ERBIN: variants seen among roughly 807,000 people sequenced by gnomAD.
ERBIN encodes the protein densin-180-like protein.
ERBIN carries 60 observed loss-of-function variants against 158.4 expected under a neutral mutation model. The observed-to-expected ratio is 0.38, with a 90% CI of 0.31 to 0.47. ERBIN has a LOEUF of 0.47. Ranked by LOEUF, ERBIN falls within the 20% of genes least tolerant of loss-of-function variation. ERBIN has a pLI of 0.99. For missense variants in ERBIN, 1,610 were observed against 1,648.0 expected (o/e 0.98, Z 0.40); for synonymous variants, 594 against 557.2 (o/e 1.07, Z -0.93).
intron 21 of ERBIN, chr5:66,069,039 C>G (rs1241036038): frequency 1.4e-6 from 2 of 1,480,588 alleles, no homozygotes; most frequent in African/African-American, 1.4e-5. Flanking sequence ...CTACACTAGA[C>G]CAATACTTTT....
chr5:66,002,413 A>G (rs751828133), intron 4 of ERBIN, among the ~76,000 whole-genome samples: 1 of 151,486 alleles, frequency 6.6e-6, no homozygotes, highest in Non-Finnish European at 1.5e-5. Context: ...AAGACTGAGA[A>G]GATGTGATTA....
At chr5:65,974,467 G>A (rs1269475750) in intron 1 of ERBIN, among the ~76,000 whole-genome samples, 1 of 152,202 alleles carries the variant, frequency 6.6e-6, no homozygotes, top group Non-Finnish European at 1.5e-5. Context: ...ATCCTATCTG[G>A]AGAGAATTTT....
chr5:66,081,438 A>G lies in ERBIN; in HGVS notation c.*2908A>G, dbSNP rs1009113273. The G allele has an allele frequency of 2.5e-4, 38 of 152,236 alleles. No individual in the cohort carries two copies. Among genetic ancestry groups the G allele is most frequent in the African/African-American group, 8.9e-4 (37 of 41,576 alleles). 9.4% of individuals were successfully genotyped at this position (152,236 alleles called of 1,614,324 possible). On this transcript the variant is annotated 3_prime_UTR_variant, in exon 26 of 26. Transcript: ENST00000284037. ...TTAAGTATTAATTTGCTGCACTTAAAAAATCCCATTAGCAGCTATGTAATA... is the reference window on the plus strand; with the variant it reads ...TTAAGTATTAATTTGCTGCACTTAAGAAATCCCATTAGCAGCTATGTAATA...
intron 21 of ERBIN, among the ~76,000 whole-genome samples, chr5:66,063,521 A>T (rs1193039137): frequency 1.3e-5 from 2 of 152,128 alleles, no homozygotes; most frequent in African/African-American, 4.8e-5. Context: ...GCTTCGGCTC[A>T]GGCATGGTGT....
intron 1 of ERBIN, among the ~76,000 whole-genome samples, chr5:65,982,886 G>A (rs1750806944): frequency 6.6e-6 from 1 of 152,134 alleles, no homozygotes; most frequent in South Asian, 2.1e-4. Context: ...TTTTATTCAG[G>A]ACAGGCTGTC....
intron 24 of ERBIN, 149 bp from the exon 25 acceptor site, chr5:66,076,726 T>C (rs1580560160): frequency 1.6e-6 from 1 of 638,386 alleles, no homozygotes; most frequent in Non-Finnish European, 2.8e-6. Context: ...TAAAAATAAC[T>C]AGTTTGTTAC....
chr5:66,053,889 C>A lies in ERBIN; in HGVS notation c.2571C>A (p.Ser857=). The change falls in exon 21 of 26, where the codon TCC becomes TCA. Residue 857 remains serine (S), a synonymous_variant. Transcript: ENST00000284037. The part of the protein sequence containing the change: ...LGISKSTEDL[S]PQKSGPVGSV... ...TTTCCAAAAGCACTGAAGATCTCTCCCCTCAGAAAAGTGGTCCAGTTGGAT... is the reference window on the plus strand; with the variant it reads ...TTTCCAAAAGCACTGAAGATCTCTCACCTCAGAAAAGTGGTCCAGTTGGAT... The A allele has an allele frequency of 6.2e-7, 1 of 1,614,000 alleles. No individual in the cohort carries two copies.
At chr5:65,966,379 C>T (rs1748613688) in intron 1 of ERBIN, among the ~76,000 whole-genome samples, 1 of 152,048 alleles carries the variant, frequency 6.6e-6, no homozygotes, top group South Asian at 2.1e-4. Flanking sequence ...TTTGAGTGTG[C>T]TCCTCCATAT....
chr5:66,047,023 G>A (rs1758511786), intron 18 of ERBIN, among the ~76,000 whole-genome samples: 1 of 151,894 alleles, frequency 6.6e-6, no homozygotes, highest in African/African-American at 2.4e-5. Flanking sequence ...TCAATTCAGT[G>A]GCCTTTAGTA....
intron 1 of ERBIN, among the ~76,000 whole-genome samples, chr5:65,930,216 CTTATT>C (rs1743199383): frequency 6.6e-6 from 1 of 152,144 alleles, no homozygotes; most frequent in Non-Finnish European, 1.5e-5. Context: ...TTTATCTGAT[CTTATT>C]TTATTAGCCC....
rs78797931 is a variant in ERBIN at position 65,946,902 on chromosome 5, C to T, written c.-58+20096C>T. On this transcript the variant is annotated intron_variant, in intron 1 of 25. Transcript: ENST00000284037. ...TGGCTAATATGTGGAACATCTTTAA[C>T]TGTGCTATTCAACATCTATATTCTC... Among the ~76,000 whole-genome samples the T allele has an allele frequency of 1.2e-3, 178 of 150,722 alleles. 2 individuals carry two copies. The East Asian group carries it at 0.032, about 27-fold the overall frequency.
Position 66,080,887 on chromosome 5 carries a change from T to C in ERBIN, c.*2357T>C, listed in dbSNP as rs1762356312. ...CAACACATAAAGTTGCGTAAGAAAC[T>C]TTACCAAGAGGAGTATTATAGCCAA... On this transcript the variant is annotated 3_prime_UTR_variant, in exon 26 of 26. Coordinates refer to ENST00000284037, the MANE Select transcript of ERBIN (RefSeq NM_001253697.2). The C allele has an allele frequency of 6.6e-6, 1 of 152,026 alleles. No homozygotes were observed. The highest frequency in any genetic ancestry group is 1.5e-5 in the Non-Finnish European group (1 of 67,890). 9.4% of individuals were successfully genotyped at this position (152,026 alleles called of 1,614,324 possible). A position where few individuals can be genotyped will look rare whatever the true frequency, so the allele number is the denominator to read the frequency against.
At position 66,054,753 on chromosome 5, in the gene ERBIN, T is replaced by G. The variant is rs1240670524; in HGVS notation, c.3435T>G (p.Ala1145=). 1.2e-6 allele frequency: 2 copies of G among 1,614,010 alleles called. No homozygotes were observed. The highest frequency in any genetic ancestry group is 2.7e-5 in the African/African-American group (2 of 74,924). Residue 1145 remains alanine, a synonymous_variant, in exon 21 of 26, where the codon GCT becomes GCG. Transcript: ENST00000284037. ...DGPNASRPQS[A]RPSINEIPER... ...CAAATGCATCAAGACCTCAGAGTGC[T>G]CGACCCTCTATTAATGAAATACCAG...
At chr5:66,006,990 T>C (rs141330887) in intron 4 of ERBIN, among the ~76,000 whole-genome samples, 153 of 49,064 alleles carry the variant, frequency 3.1e-3, no homozygotes, top group African/African-American at 0.01. Context: ...GGCGATTCCT[T>C]AGGGATCTAG....
chr5:66,009,253 A>C (rs1753945473), intron 4 of ERBIN, among the ~76,000 whole-genome samples: 1 of 152,260 alleles, frequency 6.6e-6, no homozygotes, highest in Non-Finnish European at 1.5e-5. Flanking sequence ...GCATCATTTC[A>C]ATGCATCCTC....
At chr5:65,943,826 T>C (rs1580102885) in intron 1 of ERBIN, among the ~76,000 whole-genome samples, 1 of 152,236 alleles carries the variant, frequency 6.6e-6, no homozygotes, top group Admixed American at 6.5e-5. Flanking sequence ...TGCAAAACTT[T>C]AACTCTATAC....
chr5:65,957,195 AT>A (rs538465405), intron 1 of ERBIN, among the ~76,000 whole-genome samples: 7 of 149,834 alleles, frequency 4.7e-5, no homozygotes, highest in East Asian at 2.0e-4. Context: ...TCAATGTAGG[AT>A]TTTTTTTTTA....
At chr5:66,063,138 G>A (rs1339993616) in intron 21 of ERBIN, among the ~76,000 whole-genome samples, 1 of 152,228 alleles carries the variant, frequency 6.6e-6, no homozygotes, top group Non-Finnish European at 1.5e-5. Context: ...GCCCCCAGAG[G>A]TGGAGCCTAC....
At chr5:65,939,548 C>T (rs1258554901) in intron 1 of ERBIN, among the ~76,000 whole-genome samples, 1 of 152,032 alleles carries the variant, frequency 6.6e-6, no homozygotes. Flanking sequence ...TCTCCCTCTC[C>T]CCACGGTCTC....
Sources: allele counts gnomAD v4.1 joint callset (sites outside exome capture counted in the v4.1 genomes callset), GRCh38; gene constraint gnomAD v4.1.1; transcripts MANE v1.5; gene names NCBI Gene and HGNC (gene_info 2026-07-23, HGNC 2026-07-21).